Variants in ANKRD36 observed in about 807,000 individuals in gnomAD.
ANKRD36 encodes ankyrin repeat domain-containing protein 36A.
ANKRD36 carries 179 observed loss-of-function variants against 278.1 expected under a neutral mutation model. The ratio of observed to expected loss-of-function variants is 0.64; its 90% CI spans 0.57 to 0.73. ANKRD36 has a LOEUF of 0.73. Among genes scored for constraint, ANKRD36 ranks in the 30% least tolerant of loss-of-function variants. The pLI, the probability that ANKRD36 is intolerant of heterozygous loss-of-function variation, is 0.00. For missense variants in ANKRD36, 1,159 were observed against 1,956.7 expected, an observed-to-expected ratio of 0.59 and a Z score of 7.69; for synonymous variants, 320 against 641.1, an observed-to-expected ratio of 0.50 and a Z score of 7.57.
At chr2:97,171,734 CAAAAACAAA>C (rs1268128891) in intron 22 of ANKRD36, among the ~76,000 whole-genome samples, 1 of 137,004 alleles carries the variant, frequency 7.3e-6, no homozygotes, top group African/African-American at 2.7e-5. Flanking sequence ...AAAAAAAAAA[CAAAAACAAA>C]AAAAACAAAA....
At position 97,180,774 on chromosome 2, in the gene ANKRD36, A is replaced by G. The variant is rs201939777; in HGVS notation, c.1736-824A>G. On this transcript the variant is annotated intron_variant, in intron 24 of 75. Transcript: ENST00000420699. ...TACTCCCAACAAGGCTATTTTAGAAACAAAAATGATGTTGAATTCTAATTA... is the reference window on the plus strand; with the variant it reads ...TACTCCCAACAAGGCTATTTTAGAAGCAAAAATGATGTTGAATTCTAATTA... Among the ~76,000 whole-genome samples the G allele has an allele frequency of 4.0e-5, 6 of 151,850 alleles. No homozygotes were observed. The East Asian group carries it at 1.2e-3, about 30-fold the overall frequency.
intron 68 of ANKRD36, among the ~76,000 whole-genome samples, chr2:97,240,361 TG>T (rs1441420873): frequency 3.3e-5 from 5 of 151,782 alleles, no homozygotes; most frequent in African/African-American, 1.2e-4. Flanking sequence ...CTTTAACTGT[TG>T]TTTTTTTTTA....
intron 22 of ANKRD36, among the ~76,000 whole-genome samples, chr2:97,170,823 G>T (rs2153517233): frequency 6.6e-6 from 1 of 151,196 alleles, no homozygotes; most frequent in East Asian, 2.0e-4. Context: ...CTAATATCCA[G>T]AATCTACAAT....
intron 60 of ANKRD36, among the ~76,000 whole-genome samples, chr2:97,214,104 A>G (rs1349821193): frequency 6.6e-6 from 1 of 150,642 alleles, no homozygotes; most frequent in East Asian, 2.0e-4. Flanking sequence ...AGGGAAAAGA[A>G]GAAGTTATTT....
intron 66 of ANKRD36, among the ~76,000 whole-genome samples, chr2:97,219,883 A>G (rs1246227351): frequency 2.1e-5 from 3 of 145,740 alleles, no homozygotes; most frequent in African/African-American, 5.3e-5. Context: ...AAAGAGATCA[A>G]TTTTGATACT....
At chr2:97,136,061 A>G (rs2041415727) in intron 6 of ANKRD36, among the ~76,000 whole-genome samples, 1 of 151,356 alleles carries the variant, frequency 6.6e-6, no homozygotes, top group Admixed American at 6.6e-5. Flanking sequence ...CATCATAGTG[A>G]TCAGGGTGTG....
chr2:97,201,380 C>G (rs1386454046), intron 46 of ANKRD36, among the ~76,000 whole-genome samples: 2 of 151,868 alleles, frequency 1.3e-5, no homozygotes, highest in Non-Finnish European at 1.5e-5. Flanking sequence ...ATGTTGCATT[C>G]CAATTAAGTC....
At chr2:97,176,916 A>G (rs1383225697) in intron 22 of ANKRD36, among the ~76,000 whole-genome samples, 3 of 151,690 alleles carry the variant, frequency 2.0e-5, no homozygotes, top group African/African-American at 4.8e-5. Flanking sequence ...AAAATTGTAT[A>G]TCTAGAAAAC....
intron 4 of ANKRD36, 61 bp from the exon 5 acceptor site, chr2:97,124,399 G>T: frequency 6.6e-7 from 1 of 1,516,218 alleles, no homozygotes; most frequent in South Asian, 1.3e-5. Flanking sequence ...AGTTGATAAA[G>T]TATATAAACT....
Position 97,174,389 on chromosome 2 carries a change from G to A in ANKRD36, c.1634-5349G>A, listed in dbSNP as rs1195615125. ...CTACTGGAAGCAGGAAAGAGTGATA[G>A]AATTGGGATAAACCACAGTGACTCA... On this transcript the variant is annotated intron_variant, in intron 22 of 75. Transcript: ENST00000420699. 6.6e-5 allele frequency among the ~76,000 whole-genome samples: 10 copies of A among 151,556 alleles called. No homozygotes were observed. The Admixed American group carries it at 6.6e-4, about 10-fold the overall frequency.
At position 97,206,228 on chromosome 2, in the gene ANKRD36, G is replaced by A. The variant is rs1384295717; in HGVS notation, c.3163+93G>A. 82 of 1,308,910 alleles carry A rather than the reference G, an allele frequency of 6.3e-5. 1 individual carries two copies. The highest frequency in any genetic ancestry group is 8.4e-5 in the Non-Finnish European group (82 of 972,284). 81.1% of individuals were successfully genotyped at this position (1,308,910 alleles called of 1,614,324 possible). ...AATCAGCGGGGGGCTCATCGAAGCTGCACTTTCTGATTCAGCAGGCCGGAG... is the reference window on the plus strand; with the variant it reads ...AATCAGCGGGGGGCTCATCGAAGCTACACTTTCTGATTCAGCAGGCCGGAG... On this transcript the variant is annotated intron_variant, in intron 52 of 75. Transcript: ENST00000420699.
At position 97,202,398 on chromosome 2, in the gene ANKRD36, T is replaced by C; in HGVS notation, c.2959+5T>C. 1 of 1,547,970 alleles carries C rather than the reference T, an allele frequency of 6.5e-7. No individual in the cohort carries two copies. The highest frequency in any genetic ancestry group is 1.2e-5 in the South Asian group (1 of 84,076). On this transcript the variant is annotated splice_donor_5th_base_variant and intron_variant, in intron 48 of 75. Transcript: ENST00000420699. Reference sequence around the variant, plus strand: ...ATGGAGAAAAATCTAGGACAGGTAATTTTGAAAACAGATTTAATGTCATGT... The same window carrying C: ...ATGGAGAAAAATCTAGGACAGGTAACTTTGAAAACAGATTTAATGTCATGT...
chr2:97,145,167 A>T (rs1233114534), intron 10 of ANKRD36, among the ~76,000 whole-genome samples: 1 of 152,022 alleles, frequency 6.6e-6, no homozygotes, highest in African/African-American at 2.4e-5. Context: ...TTCCTCAGGG[A>T]AGAGGGATTG....
At chr2:97,201,437 C>A (rs1454343997) in intron 46 of ANKRD36, among the ~76,000 whole-genome samples, 16 of 151,900 alleles carry the variant, frequency 1.1e-4, no homozygotes, top group East Asian at 5.8e-4. Context: ...TCTGAATGTA[C>A]AACTTATTAA....
intron 51 of ANKRD36, 27 bp from the exon 52 acceptor site, chr2:97,206,036 T>C (rs1445037349): frequency 6.5e-7 from 1 of 1,543,986 alleles, no homozygotes; most frequent in African/African-American, 1.4e-5. Flanking sequence ...TTTATTTATT[T>C]ATTATTTTGT....
chr2:97,177,550 C>T (rs1048507722), intron 22 of ANKRD36, among the ~76,000 whole-genome samples: 8 of 151,954 alleles, frequency 5.3e-5, no homozygotes, highest in African/African-American at 1.9e-4. Context: ...TGATCTTTGA[C>T]AAACCTGAGA....
rs765229612 is a variant in ANKRD36 at position 97,118,438 on chromosome 2, A to G, written c.407A>G (p.His136Arg). Residue 136 changes from histidine (H) to arginine (R), a missense_variant, in exon 3 of 76, where the codon CAC (histidine) becomes CGC (arginine). His to Arg is a conservative substitution (Grantham distance 29). Coordinates refer to ENST00000420699, the MANE Select transcript of ANKRD36 (RefSeq NM_001354587.1). ...ITDFFGRTAL[H>R]YAVYNEDTSM... ...GATTTCTTTGGAAGGACTGCTCTGC[A>G]CTACGCTGTGTATAATGAAGATACA... 6 of 1,607,086 alleles carry G rather than the reference A, an allele frequency of 3.7e-6. 1 individual carries two copies. The South Asian group carries it at 4.5e-5, about 12-fold the overall frequency.
chr2:97,145,884 T>G (rs1408806821), intron 10 of ANKRD36, among the ~76,000 whole-genome samples: 1 of 152,040 alleles, frequency 6.6e-6, no homozygotes, highest in African/African-American at 2.4e-5. Flanking sequence ...TCAGAACACT[T>G]CCACTGAGGA....
In ANKRD36 at chr2:97,118,414, A is replaced by G; in HGVS notation, c.383A>G (p.Asp128Gly). 1 of 1,607,566 alleles carries G rather than the reference A, an allele frequency of 6.2e-7. No homozygotes were observed. ...AATGGCGCCAATCCAAATATTACGG[A>G]TTTCTTTGGAAGGACTGCTCTGCAC... ...LQNGANPNIT[D>G]FFGRTALHYA... is the part of the protein sequence containing the mutation. The change falls in exon 3 of 76, where the codon GAT becomes GGT. Residue 128 changes from aspartate (D) to glycine (G), a missense_variant. Coordinates refer to ENST00000420699, the MANE Select transcript of ANKRD36 (RefSeq NM_001354587.1).
Sources: allele counts gnomAD v4.1 joint callset (sites outside exome capture counted in the v4.1 genomes callset), GRCh38; gene constraint gnomAD v4.1.1; transcripts MANE v1.5; gene names NCBI Gene and HGNC (gene_info 2026-07-23, HGNC 2026-07-21).